The following CRACDL variants were observed in gnomAD, a reference collection of about 807,000 sequenced individuals.
The protein encoded by CRACDL is CRACD like.
Under a neutral mutation model 70.6 loss-of-function variants are expected in CRACDL, and 26 were observed. That is an observed-to-expected ratio of 0.37 (90% CI 0.27 to 0.51). The LOEUF is 0.51. Among genes scored for constraint, CRACDL ranks in the 20% least tolerant of loss-of-function variants. CRACDL has a pLI of 0.94. For synonymous variants in CRACDL, 618 were observed against 615.2 expected (o/e 1.00, Z -0.07); for missense variants, 1,283 against 1,376.9 (o/e 0.93, Z 1.08).
chr2:98,862,049 T>C (rs896737953), intron 1 of CRACDL, among the ~76,000 whole-genome samples: 9 of 152,204 alleles, frequency 5.9e-5, no homozygotes, highest in African/African-American at 2.2e-4. Context: ...GCAGATTTAA[T>C]GGGCTGGTAC....
Position 98,918,304 on chromosome 2 carries a change from G to A in CRACDL, c.-11+17634C>T, listed in dbSNP as rs1339802384. On this transcript the variant is annotated intron_variant, in intron 1 of 9. Coordinates refer to ENST00000397899, the MANE Select transcript of CRACDL (RefSeq NM_207362.3). The stretch of plus-strand genomic sequence containing the variant: ...TCCTAGCACTTTGGGAGGCCAATGC[G>A]GGTGGATCGCTTGAGTTCAGGAGTT... Among the ~76,000 whole-genome samples the A allele has an allele frequency of 7.9e-5, 12 of 152,168 alleles. No individual in the cohort carries two copies. In the South Asian group the frequency reaches 1.0e-3, roughly 13 times the overall value.
At chr2:98,831,756 G>A (rs1705551816) in intron 5 of CRACDL, among the ~76,000 whole-genome samples, 1 of 152,252 alleles carries the variant, frequency 6.6e-6, no homozygotes, top group Admixed American at 6.5e-5. Context: ...GTTCCTCGGG[G>A]CCCCCCTCTT....
At chr2:98,842,511 T>A (rs1384841455) in intron 2 of CRACDL, among the ~76,000 whole-genome samples, 1 of 152,152 alleles carries the variant, frequency 6.6e-6, no homozygotes, top group Non-Finnish European at 1.5e-5. Context: ...GTTGTATAAT[T>A]ATCACCACAA....
chr2:98,885,999 A>T (rs1707788755), intron 1 of CRACDL, among the ~76,000 whole-genome samples: 1 of 152,200 alleles, frequency 6.6e-6, no homozygotes, highest in Non-Finnish European at 1.5e-5. Context: ...TATTTGAGAT[A>T]AACAGCCAAA....
chr2:98,823,152 T>A lies in CRACDL; in HGVS notation c.1121A>T (p.Glu374Val). 1 of 1,551,066 alleles carries A rather than the reference T, an allele frequency of 6.4e-7. No homozygotes were observed. Among genetic ancestry groups the A allele is most frequent in the East Asian group, 2.6e-5 (1 of 38,452 alleles). ...PGPDGGKQDG[E>V]APPAGPCAPA... Reference sequence around the variant, plus strand: ...GGCACACGGGCCTGCGGGGGGCGCCTCCCCATCCTGCTTTCCGCCGTCGGG... The same window carrying A: ...GGCACACGGGCCTGCGGGGGGCGCCACCCCATCCTGCTTTCCGCCGTCGGG... The change falls in exon 7 of 10, where the codon GAG becomes GTG. Residue 374 changes from glutamate (E) to valine (V), a missense_variant. Glu to Val is a moderately radical substitution (Grantham distance 121). This residue lies in a region of CRACDL where 921 missense variants were observed against 881.9 expected (regional missense o/e 1.04). Coordinates refer to ENST00000397899, the MANE Select transcript of CRACDL (RefSeq NM_207362.3). The surrounding 1 kb of genome is among the most constrained non-coding windows in gnomAD (Gnocchi z 4.0).
intron 2 of CRACDL, among the ~76,000 whole-genome samples, chr2:98,845,382 G>C (rs1338480403): frequency 6.6e-6 from 1 of 151,754 alleles, no homozygotes; most frequent in African/African-American, 2.4e-5. Flanking sequence ...TTTTTTTGTA[G>C]AGACAGAGTC....
At chr2:98,863,646 G>A (rs1469338500) in intron 1 of CRACDL, among the ~76,000 whole-genome samples, 1 of 152,114 alleles carries the variant, frequency 6.6e-6, no homozygotes, top group Non-Finnish European at 1.5e-5. Flanking sequence ...CTTTACAATG[G>A]TGCAAAAGTA....
chr2:98,885,329 T>C (rs943250980), intron 1 of CRACDL, among the ~76,000 whole-genome samples: 1 of 152,190 alleles, frequency 6.6e-6, no homozygotes, highest in African/African-American at 2.4e-5. Flanking sequence ...TCTTTTAACT[T>C]ATGCCGAGGA....
Position 98,822,631 on chromosome 2 carries a change from G to C in CRACDL, c.1642C>G (p.Pro548Ala). ...GCCGCCCTCTCGGCGCCCGCCGGTGGCGCCTCGGCTCGCTCGGCCTTGGGG... is the reference window on the plus strand; with the variant it reads ...GCCGCCCTCTCGGCGCCCGCCGGTGCCGCCTCGGCTCGCTCGGCCTTGGGG... ...ERPKAERAEAPPAGAERAAPE... is the reference protein window; with the variant it reads ...ERPKAERAEAAPAGAERAAPE... Residue 548 changes from proline (P) to alanine (A), a missense_variant, in exon 7 of 10, where the codon CCA (proline) becomes GCA (alanine). By Grantham distance (27) the Pro-to-Ala change is conservative (BLOSUM62 -1). This residue lies in a region of CRACDL where 921 missense variants were observed against 881.9 expected (regional missense o/e 1.04). Transcript: ENST00000397899. The surrounding 1 kb of genome is among the most constrained non-coding windows in gnomAD (Gnocchi z 4.9). 7.3e-7 allele frequency: 1 copy of C among 1,367,136 alleles called. No homozygotes were observed. The highest frequency in any genetic ancestry group is 9.3e-7 in the Non-Finnish European group (1 of 1,070,102). The allele number at this position is 1,367,136 out of a possible 1,614,324, so 84.7% of individuals were successfully genotyped here. A position where few individuals can be genotyped will look rare whatever the true frequency, so the allele number is the denominator to read the frequency against.
rs1157323305 is a variant in CRACDL at position 98,838,300 on chromosome 2, G to A, written c.71-13C>T. On this transcript the variant is annotated splice_polypyrimidine_tract_variant and intron_variant, in intron 2 of 9. Coordinates refer to ENST00000397899, the MANE Select transcript of CRACDL (RefSeq NM_207362.3). ...GATTTTTTCTTTCCTATACAGATTA[G>A]AGAAAAAAATAATAAATAAGACTGT... The A allele has an allele frequency of 1.4e-6, 2 of 1,475,062 alleles. No individual in the cohort carries two copies. The highest frequency in any genetic ancestry group is 3.9e-5 in the Admixed American group (2 of 51,404). 91.4% of individuals were successfully genotyped at this position (1,475,062 alleles called of 1,614,324 possible). A position where few individuals can be genotyped will look rare whatever the true frequency, so the allele number is the denominator to read the frequency against.
At chr2:98,924,814 G>C (rs529491618) in intron 1 of CRACDL, among the ~76,000 whole-genome samples, 30 of 152,206 alleles carry the variant, frequency 2.0e-4, no homozygotes, top group Non-Finnish European at 3.1e-4. Flanking sequence ...CCCCAAAAAG[G>C]GGGTGCTGAA....
chr2:98,832,462 C>T lies in CRACDL; in HGVS notation c.426G>A (p.Gly142=), dbSNP rs200144604. 3 of 1,613,388 alleles carry T rather than the reference C, an allele frequency of 1.9e-6. No homozygotes were observed. The highest frequency in any genetic ancestry group is 2.5e-6 in the Non-Finnish European group (3 of 1,179,458). ...CATCCTCTCCCCGCTTGGCAGGAAG[C>T]CCCCCTGGAGGAGGTGGTGGCCCCA... ...VKMGPPPPPG[G]LPAKRGEDAG... The change falls in exon 5 of 10, where the codon GGG becomes GGA. Residue 142 remains glycine, a synonymous_variant. Transcript: ENST00000397899.
At chr2:98,928,248 C>G (rs1708982583) in intron 1 of CRACDL, among the ~76,000 whole-genome samples, 1 of 151,918 alleles carries the variant, frequency 6.6e-6, no homozygotes, top group Non-Finnish European at 1.5e-5. Context: ...CAGACATTAC[C>G]TCTTTGGGGT....
In CRACDL at chr2:98,795,073, A is replaced by T. The variant is rs1433473100; in HGVS notation, c.2750-402T>A. On this transcript the variant is annotated intron_variant, in intron 9 of 9. Transcript: ENST00000397899. ...TATATATATATATATATATATATAT[A>T]TATATTTTTTTTTTTTTTTGAGACA... 7.4e-3 allele frequency among the ~76,000 whole-genome samples: 148 copies of T among 20,064 alleles called. 17 individuals are homozygous for T. Among genetic ancestry groups the T allele is most frequent in the African/African-American group, 0.011 (89 of 8,334 alleles). The allele number at this position is 20,064 out of a possible 152,430, so 13.2% of individuals were successfully genotyped here. A position where few individuals can be genotyped will look rare whatever the true frequency, so the allele number is the denominator to read the frequency against.
chr2:98,823,581 C>T lies in CRACDL; in HGVS notation c.736-44G>A. On this transcript the variant is annotated intron_variant, in intron 6 of 9. Coordinates refer to ENST00000397899, the MANE Select transcript of CRACDL (RefSeq NM_207362.3). The surrounding 1 kb of genome is among the most constrained non-coding windows in gnomAD (Gnocchi z 4.0). ...AAAAGCATCGTCGCTATAGCCAATT[C>T]CAGGAAGCCTGTCACCTCCCCACTT... The T allele has an allele frequency of 1.3e-6, 2 of 1,536,874 alleles. No individual in the cohort carries two copies. Among genetic ancestry groups the T allele is most frequent in the Non-Finnish European group, 1.7e-6 (2 of 1,147,418 alleles).
chr2:98,878,423 T>C (rs1461651739), intron 1 of CRACDL, among the ~76,000 whole-genome samples: 1 of 152,228 alleles, frequency 6.6e-6, no homozygotes, highest in East Asian at 1.9e-4. Context: ...TGTTCAGGTT[T>C]GTCGTCTAGA....
intron 2 of CRACDL, among the ~76,000 whole-genome samples, chr2:98,845,753 G>A (rs1425622467): frequency 6.6e-6 from 1 of 152,104 alleles, no homozygotes; most frequent in Non-Finnish European, 1.5e-5. Context: ...ATAATTCAGT[G>A]TCCCATAATA....
intron 7 of CRACDL, among the ~76,000 whole-genome samples, chr2:98,805,104 T>C (rs1195686465): frequency 6.6e-6 from 1 of 152,190 alleles, no homozygotes; most frequent in Non-Finnish European, 1.5e-5. Context: ...ACAGCCACCA[T>C]GGTCCACAAT....
In CRACDL at chr2:98,880,647, C is replaced by A. The variant is rs540550855; in HGVS notation, c.-10-33837G>T. ...AAGAGGATTTCCAGTTCTCTGGCCG[C>A]GAGGTCAGGTGGCCACAAAGCCAGG... On this transcript the variant is annotated intron_variant, in intron 1 of 9. Transcript: ENST00000397899. Among the ~76,000 whole-genome samples the A allele has an allele frequency of 3.9e-5, 6 of 152,082 alleles. No individual in the cohort carries two copies. The East Asian group carries it at 1.2e-3, about 29-fold the overall frequency.
Sources: gnomAD v4.1 joint callset for allele counts (sites outside exome capture counted in the v4.1 genomes callset) on GRCh38, gnomAD v4.1.1 for gene constraint, gnomAD v4.1.1 regional missense constraint, Gnocchi (gnomAD v3.1) non-coding constraint, MANE v1.5 for transcripts, NCBI Gene and HGNC (gene_info 2026-07-23, HGNC 2026-07-21) for gene names.